The following ATF7IP variants were observed in gnomAD, a reference collection of about 807,000 sequenced individuals.
ATF7IP encodes activating transcription factor 7 interacting protein, also known as activating transcription factor 7-interacting protein 1.
A neutral mutation model predicts 106.4 loss-of-function variants in ATF7IP; 23 were observed. The ratio of observed to expected loss-of-function variants is 0.22; its 90% CI spans 0.16 to 0.31. The LOEUF is 0.31. Among genes scored for constraint, ATF7IP ranks in the 10% least tolerant of loss-of-function variants. The pLI is 1.00. For missense variants in ATF7IP, 1,334 were observed against 1,524.3 expected, an observed-to-expected ratio of 0.88 and a Z score of 2.08; for synonymous variants, 542 against 539.0, an observed-to-expected ratio of 1.01 and a Z score of -0.08.
chr12:14,398,467 C>T (rs1939979650), intron 1 of ATF7IP, among the ~76,000 whole-genome samples: 4 of 126,298 alleles, frequency 3.2e-5, no homozygotes. Flanking sequence ...CAGAATATAG[C>T]CTTGTGGTTT....
chr12:14,425,838 G>A (rs927258141), intron 2 of ATF7IP, among the ~76,000 whole-genome samples: 9 of 152,132 alleles, frequency 5.9e-5, no homozygotes, highest in African/African-American at 2.2e-4. Flanking sequence ...AGAACTAAAA[G>A]CCTAATAGTT....
At chr12:14,465,327 G>A (rs1943788410) in intron 9 of ATF7IP, among the ~76,000 whole-genome samples, 1 of 151,952 alleles carries the variant, frequency 6.6e-6, no homozygotes, top group South Asian at 2.1e-4. Flanking sequence ...GAAGATGGAA[G>A]TGTTTCAAAT....
chr12:14,392,331 C>T (rs1052012243), intron 1 of ATF7IP, among the ~76,000 whole-genome samples: 4 of 151,322 alleles, frequency 2.6e-5, no homozygotes, highest in African/African-American at 4.9e-5. Flanking sequence ...AGGGAGAGGG[C>T]GTATTTAGGG....
intron 5 of ATF7IP, among the ~76,000 whole-genome samples, chr12:14,439,068 T>C (rs983639321): frequency 2.0e-5 from 3 of 152,216 alleles, no homozygotes; most frequent in Non-Finnish European, 2.9e-5. Flanking sequence ...TTTTATTAAG[T>C]ACAACTATAT....
At chr12:14,458,282 T>C (rs1274240713) in intron 8 of ATF7IP, among the ~76,000 whole-genome samples, 1 of 152,172 alleles carries the variant, frequency 6.6e-6, no homozygotes, top group African/African-American at 2.4e-5. Flanking sequence ...TTAAGACAGC[T>C]AAAGATAGCT....
rs997320495 is a variant in ATF7IP at position 14,502,340 on chromosome 12, T to C, written c.*4267T>C. 1.3e-5 allele frequency: 2 copies of C among 152,212 alleles called. No individual in the cohort carries two copies. Among genetic ancestry groups the C allele is most frequent in the East Asian group, 3.8e-4 (2 of 5,202 alleles). The allele number at this position is 152,212 out of a possible 1,614,324, so 9.4% of individuals were successfully genotyped here. A position where few individuals can be genotyped will look rare whatever the true frequency, so the allele number is the denominator to read the frequency against. On this transcript the variant is annotated 3_prime_UTR_variant, in exon 15 of 15. Transcript: ENST00000261168. ...TTGTTAGTGTGGCAGACTTGTCTAA[T>C]TCCTGAAACTCATTCATCCCCTTGA...
intron 5 of ATF7IP, among the ~76,000 whole-genome samples, chr12:14,440,423 T>G (rs1485073752): frequency 6.6e-6 from 1 of 152,224 alleles, no homozygotes; most frequent in Non-Finnish European, 1.5e-5. Context: ...TTTTAAATTT[T>G]AATCTCTTAA....
At chr12:14,436,806 A>G (rs867232216) in intron 4 of ATF7IP, among the ~76,000 whole-genome samples, 7 of 150,530 alleles carry the variant, frequency 4.7e-5, no homozygotes, top group South Asian at 4.2e-4. Context: ...AAAAAAGGTT[A>G]TGATTATCAA....
At position 14,460,674 on chromosome 12, in the gene ATF7IP, C is replaced by T. The variant is rs868324545; in HGVS notation, c.2338C>T (p.Pro780Ser). 3 of 1,614,094 alleles carry T rather than the reference C, an allele frequency of 1.9e-6. No individual in the cohort carries two copies. The highest frequency in any genetic ancestry group is 2.7e-5 in the African/African-American group (2 of 74,940). ...GNPQPTISLQPLPVILHVPVA... is the reference protein window; with the variant it reads ...GNPQPTISLQSLPVILHVPVA... ...TCCCCAGCCTACAATCTCTTTACAG[C>T]CTTTGCCAGTGATTTTGCATGTACC... Residue 780 changes from proline (P) to serine (S), a missense_variant, in exon 9 of 15, where the codon CCT becomes TCT. By Grantham distance (74) the Pro-to-Ser change is moderately conservative (BLOSUM62 -1). Coordinates refer to ENST00000261168, the MANE Select transcript of ATF7IP (RefSeq NM_018179.5).
intron 10 of ATF7IP, among the ~76,000 whole-genome samples, chr12:14,470,203 C>G (rs1300809653): frequency 2.0e-5 from 3 of 152,192 alleles, no homozygotes; most frequent in Non-Finnish European, 4.4e-5. Flanking sequence ...TCTTTCTTCA[C>G]ATTTGCTGAA....
rs922921491 is a variant in ATF7IP at position 14,410,803 on chromosome 12, C to T, written c.-7-13106C>T. ...TAGTATATATAAGGTTCAGTACTAT[C>T]CAGTTTCAGGCATTCAGTGGGTGTT... On this transcript the variant is annotated intron_variant, in intron 1 of 14. Coordinates refer to ENST00000261168, the MANE Select transcript of ATF7IP (RefSeq NM_018179.5). Among the ~76,000 whole-genome samples, 56 of 152,036 alleles carry T rather than the reference C, an allele frequency of 3.7e-4. 1 individual carries two copies. Among genetic ancestry groups the T allele is most frequent in the Non-Finnish European group, 1.0e-4 (7 of 67,982 alleles).
chr12:14,457,957 G>A (rs1943493275), intron 8 of ATF7IP, among the ~76,000 whole-genome samples: 1 of 151,934 alleles, frequency 6.6e-6, no homozygotes, highest in Non-Finnish European at 1.5e-5. Flanking sequence ...ATCCAGGCAT[G>A]ATGGCTGGTG....
rs1208429841 is a variant in ATF7IP, at chr12:14,466,554, T to C, written c.2826T>C (p.Ala942=). 1.9e-6 allele frequency: 3 copies of C among 1,604,262 alleles called. No individual in the cohort carries two copies. The South Asian group carries it at 3.4e-5, about 18-fold the overall frequency. Reference sequence around the variant, plus strand: ...ACCAGACAAACAAAACAATAGATGCTTCTGTCAGTAAGAAAGCAGCTGATA... The same window carrying C: ...ACCAGACAAACAAAACAATAGATGCCTCTGTCAGTAAGAAAGCAGCTGATA... ...IENQTNKTID[A]SVSKKAADST... The change falls in exon 10 of 15, where the codon GCT becomes GCC. Residue 942 remains alanine (A), a synonymous_variant. Transcript: ENST00000261168.
intron 5 of ATF7IP, among the ~76,000 whole-genome samples, chr12:14,439,624 A>C (rs1028741593): frequency 6.6e-6 from 1 of 152,218 alleles, no homozygotes; most frequent in Admixed American, 6.5e-5. Context: ...TGAGTCTAGC[A>C]GTTAGAGACC....
intron 1 of ATF7IP, among the ~76,000 whole-genome samples, chr12:14,374,953 G>A (rs1938674721): frequency 6.6e-6 from 1 of 151,896 alleles, no homozygotes; most frequent in Non-Finnish European, 1.5e-5. Context: ...CCTGGGGTTA[G>A]GAATCATATC....
rs530248084 is a variant in ATF7IP, at chr12:14,483,194, G to T, written c.3280+2009G>T. Among the ~76,000 whole-genome samples the T allele has an allele frequency of 6.6e-5, 10 of 152,236 alleles. No individual in the cohort carries two copies. The South Asian group carries it at 1.0e-3, about 16-fold the overall frequency. ...CCTCAGCTGGTCGTGGTTTATTCCT[G>T]GTGGAATGACCCAAACCTTCATTCT... On this transcript the variant is annotated intron_variant, in intron 13 of 14. Coordinates refer to ENST00000261168, the MANE Select transcript of ATF7IP (RefSeq NM_018179.5).
intron 8 of ATF7IP, among the ~76,000 whole-genome samples, chr12:14,458,065 C>T (rs1943498729): frequency 6.6e-6 from 1 of 151,550 alleles, no homozygotes; most frequent in Non-Finnish European, 1.5e-5. Flanking sequence ...CACTGCACCC[C>T]AGCCTGGGCA....
At chr12:14,485,091 C>G (rs1374494620) in intron 13 of ATF7IP, among the ~76,000 whole-genome samples, 1 of 152,024 alleles carries the variant, frequency 6.6e-6, no homozygotes, top group Admixed American at 6.5e-5. Context: ...TCACAGCATC[C>G]CTCTCTGCCC....
intron 2 of ATF7IP, among the ~76,000 whole-genome samples, chr12:14,428,591 T>G (rs1565503584): frequency 6.6e-6 from 1 of 152,222 alleles, no homozygotes; most frequent in Non-Finnish European, 1.5e-5. Flanking sequence ...TATTCTTGAC[T>G]AATTTTTAAT....
Sources: allele counts gnomAD v4.1 joint callset (sites outside exome capture counted in the v4.1 genomes callset), GRCh38; gene constraint gnomAD v4.1.1; transcripts MANE v1.5; gene names NCBI Gene and HGNC (gene_info 2026-07-23, HGNC 2026-07-21).